Variants in GRIP1 observed in about 807,000 individuals in gnomAD.
The protein encoded by GRIP1 is glutamate receptor-interacting protein 1.
Under a neutral mutation model 129.9 loss-of-function variants are expected in GRIP1, and 45 were observed. The ratio of observed to expected loss-of-function variants is 0.35; its 90% CI spans 0.27 to 0.44. GRIP1 has a LOEUF of 0.44. GRIP1 is among the 20% of genes least tolerant of loss of function. The pLI is 1.00. For missense variants in GRIP1, 1,196 were observed against 1,396.8 expected (o/e 0.86, Z 2.29); for synonymous variants, 530 against 520.8 (o/e 1.02, Z -0.24).
chr12:66,371,406 G>A (rs1437134040), intron 23 of GRIP1, among the ~76,000 whole-genome samples: 2 of 152,068 alleles, frequency 1.3e-5, no homozygotes, highest in South Asian at 2.1e-4. Flanking sequence ...TGATCCACCC[G>A]CCTCGGCCTC....
chr12:67,040,844 A>G (rs1473536058), intron 1 of GRIP1, among the ~76,000 whole-genome samples: 1 of 152,190 alleles, frequency 6.6e-6, no homozygotes, highest in Non-Finnish European at 1.5e-5. Context: ...ACTCAGTCAA[A>G]CAGTTTTCCT....
chr12:66,968,403 A>AT (rs1434414001), intron 1 of GRIP1, among the ~76,000 whole-genome samples: 1 of 151,596 alleles, frequency 6.6e-6, no homozygotes, highest in African/African-American at 2.4e-5. Flanking sequence ...TGTTTTATAT[A>AT]TTTTTTTCTT....
intron 7 of GRIP1, among the ~76,000 whole-genome samples, chr12:66,485,470 A>G (rs958074441): frequency 2.1e-4 from 32 of 151,720 alleles, no homozygotes; most frequent in Admixed American, 7.2e-4. Context: ...TTCAAAATAT[A>G]TATTCTAGTA....
At chr12:66,627,482 G>A (rs978430824) in intron 1 of GRIP1, among the ~76,000 whole-genome samples, 2 of 152,216 alleles carry the variant, frequency 1.3e-5, no homozygotes, top group African/African-American at 2.4e-5. Flanking sequence ...GCTGACTGTA[G>A]CAGTTCTCAC....
At chr12:66,698,996 T>A (rs1295299206) in intron 1 of GRIP1, among the ~76,000 whole-genome samples, 1 of 152,162 alleles carries the variant, frequency 6.6e-6, no homozygotes, top group Non-Finnish European at 1.5e-5. Flanking sequence ...AAATGCCAGC[T>A]GTTGCTACCA....
chr12:66,482,661 G>A (rs2059839144), intron 7 of GRIP1, among the ~76,000 whole-genome samples: 1 of 152,176 alleles, frequency 6.6e-6, no homozygotes. Flanking sequence ...GATTCCAAAA[G>A]CCCTGGCTTT....
At chr12:66,931,419 G>T (rs1015251561) in intron 1 of GRIP1, among the ~76,000 whole-genome samples, 2 of 152,192 alleles carry the variant, frequency 1.3e-5, no homozygotes, top group Admixed American at 1.3e-4. Flanking sequence ...TCTGGCAGGT[G>T]ATTAAGCAAT....
intron 1 of GRIP1, among the ~76,000 whole-genome samples, chr12:66,724,883 C>A (rs1169765461): frequency 1.3e-5 from 2 of 152,160 alleles, no homozygotes; most frequent in Non-Finnish European, 2.9e-5. Flanking sequence ...TATCTGACTG[C>A]AGGTGACTTC....
intron 2 of GRIP1, among the ~76,000 whole-genome samples, chr12:66,555,345 C>G (rs913179724): frequency 6.6e-6 from 1 of 152,154 alleles, no homozygotes; most frequent in African/African-American, 2.4e-5. Flanking sequence ...CATTACTGGG[C>G]TTGGGGTGCC....
intron 1 of GRIP1, among the ~76,000 whole-genome samples, chr12:67,022,770 A>G (rs1793411356): frequency 6.6e-6 from 1 of 152,140 alleles, no homozygotes; most frequent in Non-Finnish European, 1.5e-5. Context: ...TGGGTATACC[A>G]CGTGGTACTG....
At chr12:66,564,814 C>T (rs2062685525) in intron 2 of GRIP1, among the ~76,000 whole-genome samples, 1 of 152,188 alleles carries the variant, frequency 6.6e-6, no homozygotes, top group South Asian at 2.1e-4. Flanking sequence ...TTAATGATCG[C>T]CATTCTAACT....
In GRIP1 at chr12:66,553,215, C is replaced by A. The variant is rs75380521; in HGVS notation, c.137-11265G>T. Among the ~76,000 whole-genome samples the A allele has an allele frequency of 4.6e-3, 694 of 152,274 alleles. 8 individuals are homozygous for A. Among genetic ancestry groups the A allele is most frequent in the Middle Eastern group, 0.017 (5 of 294 alleles). On this transcript the variant is annotated intron_variant, in intron 2 of 24. Coordinates refer to ENST00000359742, the MANE Select transcript of GRIP1 (RefSeq NM_001366722.1). ...CTGTTTCCTCTTTGATGCCATCCAT[C>A]CTTTTTATTAGTACCTCAATCACCT...
At chr12:66,541,670 G>GC in intron 3 of GRIP1, 145 bp downstream of exon 3, 2 of 846,832 alleles carry the variant, frequency 2.4e-6, no homozygotes, top group South Asian at 2.7e-5. Context: ...TCTGAAACGT[G>GC]CCCCACTGTG....
chr12:67,048,670 G>C (rs1209454150), intron 1 of GRIP1, among the ~76,000 whole-genome samples: 1 of 152,052 alleles, frequency 6.6e-6, no homozygotes, highest in Admixed American at 6.6e-5. Flanking sequence ...TAATTCCCAT[G>C]TGTCATGGGA....
At chr12:66,969,545 T>C (rs2042042707) in intron 1 of GRIP1, among the ~76,000 whole-genome samples, 1 of 152,018 alleles carries the variant, frequency 6.6e-6, no homozygotes, top group Non-Finnish European at 1.5e-5. Flanking sequence ...CCATCTCAAG[T>C]AGCTGGGACC....
intron 1 of GRIP1, among the ~76,000 whole-genome samples, chr12:66,698,649 T>C (rs1009314116): frequency 6.6e-6 from 1 of 152,158 alleles, no homozygotes; most frequent in African/African-American, 2.4e-5. Flanking sequence ...GTGAAGATAA[T>C]AATAGTCTGG....
At chr12:66,713,717 G>C (rs1214930070) in intron 1 of GRIP1, among the ~76,000 whole-genome samples, 2 of 151,888 alleles carry the variant, frequency 1.3e-5, no homozygotes, top group African/African-American at 4.8e-5. Flanking sequence ...TTCTTTCTCA[G>C]ACTGTTTACT....
chr12:66,924,931 C>T (rs774284664), intron 1 of GRIP1, among the ~76,000 whole-genome samples: 5 of 152,160 alleles, frequency 3.3e-5, no homozygotes, highest in Non-Finnish European at 7.3e-5. Context: ...GATCGTGCCG[C>T]TGCACTCTAG....
At chr12:66,546,760 C>A (rs1373585339) in intron 2 of GRIP1, among the ~76,000 whole-genome samples, 1 of 151,838 alleles carries the variant, frequency 6.6e-6, no homozygotes, top group Admixed American at 6.6e-5. Context: ...AAATCACAGT[C>A]AAAAATGTAA....
Sources: allele counts gnomAD v4.1 joint callset (sites outside exome capture counted in the v4.1 genomes callset), GRCh38; gene constraint gnomAD v4.1.1; transcripts MANE v1.5; gene names NCBI Gene and HGNC (gene_info 2026-07-23, HGNC 2026-07-21).